ANKRD31: variants seen among roughly 807,000 people sequenced by gnomAD.
ANKRD31 encodes the protein ankyrin repeat domain-containing protein 31.
In ANKRD31, 147 loss-of-function variants were observed where a neutral mutation model predicts 186.0. That is an observed-to-expected ratio of 0.79 (90% CI 0.69 to 0.91). ANKRD31 has a LOEUF of 0.91. ANKRD31 is among the 40% of genes least tolerant of loss of function. The pLI, the probability that ANKRD31 is intolerant of heterozygous loss-of-function variation, is 0.00. For synonymous variants in ANKRD31, 673 were observed against 736.4 expected, an observed-to-expected ratio of 0.91 and a Z score of 1.39; for missense variants, 1,986 against 2,148.8, an observed-to-expected ratio of 0.92 and a Z score of 1.50.
chr5:75,146,041 C>T lies in ANKRD31; in HGVS notation c.3370G>A (p.Ala1124Thr). ...CTTTGACTAAGTTTTGAGATGTTGG[C>T]CAATTCTTTACTCATATTGTCAGTG... ...HSTDNMSKEL[A>T]NISKLSQREK... is the part of the protein sequence containing the mutation. Residue 1124 changes from alanine to threonine, a missense_variant, in exon 14 of 26, where the codon GCC (alanine) becomes ACC (threonine). Transcript: ENST00000506364. The T allele has an allele frequency of 1.3e-6, 2 of 1,508,592 alleles. No individual in the cohort carries two copies. The highest frequency in any genetic ancestry group is 1.8e-6 in the Non-Finnish European group (2 of 1,137,296). 93.5% of individuals were successfully genotyped at this position (1,508,592 alleles called of 1,614,324 possible). A position where few individuals can be genotyped will look rare whatever the true frequency, so the allele number is the denominator to read the frequency against.
At chr5:75,194,001 A>G (rs1347174006) in intron 7 of ANKRD31, among the ~76,000 whole-genome samples, 1 of 152,182 alleles carries the variant, frequency 6.6e-6, no homozygotes, top group Non-Finnish European at 1.5e-5. Context: ...GCAGCAAGTG[A>G]TATTTTGTGG....
chr5:75,219,542 C>T lies in ANKRD31; in HGVS notation c.288+2707G>A, dbSNP rs541333063. On this transcript the variant is annotated intron_variant, in intron 3 of 25. Transcript: ENST00000506364. Reference sequence around the variant, plus strand: ...GACACAAATAGAAGAACATTCCATACTCATGAATAGGAAGACTCAATATCG... The same window carrying T: ...GACACAAATAGAAGAACATTCCATATTCATGAATAGGAAGACTCAATATCG... Among the ~76,000 whole-genome samples, 6 of 152,300 alleles carry T rather than the reference C, an allele frequency of 3.9e-5. No homozygotes were observed. In the South Asian group the frequency reaches 1.2e-3, roughly 32 times the overall value.
intron 22 of ANKRD31, among the ~76,000 whole-genome samples, chr5:75,102,650 C>A (rs1295771094): frequency 1.3e-5 from 2 of 152,218 alleles, no homozygotes; most frequent in African/African-American, 2.4e-5. Context: ...ACTCCCTCAG[C>A]CTTACTGCTG....
chr5:75,193,249 C>T (rs1204769575), intron 8 of ANKRD31, 62 bp downstream of exon 8: 1 of 1,468,598 alleles, frequency 6.8e-7, no homozygotes, highest in Non-Finnish European at 9.1e-7. Flanking sequence ...TGTCCCCAAG[C>T]ATATAATTAT....
chr5:75,134,279 A>G (rs796402931), intron 17 of ANKRD31, among the ~76,000 whole-genome samples: 6 of 152,320 alleles, frequency 3.9e-5, no homozygotes, highest in African/African-American at 1.4e-4. Flanking sequence ...AAAACTAATA[A>G]AGAAGAAAAG....
chr5:75,132,362 G>C (rs1749933212), intron 17 of ANKRD31, among the ~76,000 whole-genome samples: 1 of 152,182 alleles, frequency 6.6e-6, no homozygotes. Context: ...CGAGAATTAT[G>C]TGACGCATGC....
intron 17 of ANKRD31, among the ~76,000 whole-genome samples, chr5:75,135,272 G>A (rs986541277): frequency 5.9e-5 from 9 of 152,274 alleles, no homozygotes; most frequent in East Asian, 1.9e-4. Context: ...GAAACCCATC[G>A]TCTCAGCCCA....
rs377519399 is a variant in ANKRD31 at position 75,084,369 on chromosome 5, C to T, written c.5478G>A (p.Thr1826=). 31 of 1,535,972 alleles carry T rather than the reference C, an allele frequency of 2.0e-5. No homozygotes were observed. The highest frequency in any genetic ancestry group is 1.6e-4 in the Admixed American group (8 of 50,966). Residue 1826 remains threonine, a synonymous_variant, in exon 24 of 26, where the codon ACG becomes ACA. Coordinates refer to ENST00000506364, the MANE Select transcript of ANKRD31 (RefSeq NM_001372053.1). ...ACCTTAAAAGCTCCTTCCCAAGATA[C>T]GTTACCTGCACATAATTAAGCACAA... The part of the protein sequence containing the change: ...VTWNYAWSKV[T]YLGKELLRYV...
At chr5:75,168,952 G>A in intron 11 of ANKRD31, 27 bp downstream of exon 11, 1 of 1,507,232 alleles carries the variant, frequency 6.6e-7, no homozygotes, top group South Asian at 1.2e-5. Context: ...TATAGTATTT[G>A]TTCTGCAAAT....
intron 11 of ANKRD31, among the ~76,000 whole-genome samples, chr5:75,160,743 G>C (rs190681465): frequency 1.3e-4 from 20 of 152,280 alleles, no homozygotes; most frequent in Non-Finnish European, 2.8e-4. Flanking sequence ...CACATGTTGC[G>C]GGAGGGACGC....
At chr5:75,219,860 G>C (rs1757178050) in intron 3 of ANKRD31, among the ~76,000 whole-genome samples, 1 of 152,124 alleles carries the variant, frequency 6.6e-6, no homozygotes, top group South Asian at 2.1e-4. Context: ...TCTGATCTTT[G>C]GCAAAGCTGA....
chr5:75,235,069 T>C (rs1758175366), intron 1 of ANKRD31, among the ~76,000 whole-genome samples: 1 of 152,140 alleles, frequency 6.6e-6, no homozygotes, highest in South Asian at 2.1e-4. Flanking sequence ...TCTGTCACTT[T>C]ATGTGCCAGT....
In ANKRD31 at chr5:75,147,106, T is replaced by A. The variant is rs1442479790; in HGVS notation, c.2305A>T (p.Ile769Phe). ...INRLVTYQQH[I>F]PETHNDLPEE... ...GGAAGGTCATTATGAGTTTCTGGAA[T>A]ATGCTGCTGATAGGTAACCAATCTG... The change falls in exon 14 of 26, where the codon ATT (isoleucine) becomes TTT (phenylalanine). Residue 769 changes from isoleucine to phenylalanine, a missense_variant. By Grantham distance (21) the Ile-to-Phe change is conservative. Coordinates refer to ENST00000506364, the MANE Select transcript of ANKRD31 (RefSeq NM_001372053.1). The A allele has an allele frequency of 6.5e-7, 1 of 1,536,404 alleles. No individual in the cohort carries two copies. Among genetic ancestry groups the A allele is most frequent in the Non-Finnish European group, 8.7e-7 (1 of 1,146,350 alleles).
chr5:75,204,833 C>T (rs779274104), intron 5 of ANKRD31, among the ~76,000 whole-genome samples: 15 of 152,182 alleles, frequency 9.9e-5, no homozygotes, highest in Non-Finnish European at 1.6e-4. Flanking sequence ...TATAAATAGA[C>T]ATGTATTTAA....
At chr5:75,087,423 C>G (rs1225103848) in intron 23 of ANKRD31, among the ~76,000 whole-genome samples, 1 of 152,060 alleles carries the variant, frequency 6.6e-6, no homozygotes. Context: ...AAGAGAATCA[C>G]TTGAACCTAT....
intron 2 of ANKRD31, among the ~76,000 whole-genome samples, chr5:75,229,231 A>G (rs1181395829): frequency 6.6e-6 from 1 of 152,234 alleles, no homozygotes; most frequent in Admixed American, 6.5e-5. Context: ...AATTGGTAGA[A>G]GAAAGGCACG....
At chr5:75,114,826 T>C (rs1748077095) in intron 19 of ANKRD31, among the ~76,000 whole-genome samples, 1 of 152,130 alleles carries the variant, frequency 6.6e-6, no homozygotes, top group African/African-American at 2.4e-5. Flanking sequence ...AAAATGGCCA[T>C]ACTGCCCAAG....
chr5:75,192,757 T>C lies in ANKRD31; in HGVS notation c.1318A>G (p.Met440Val). Residue 440 changes from methionine to valine, a missense_variant, in exon 9 of 26, where the codon ATG becomes GTG. Coordinates refer to ENST00000506364, the MANE Select transcript of ANKRD31 (RefSeq NM_001372053.1). Reference sequence around the variant, plus strand: ...ATATTCTTCTCTTTACCATCAATCATTAAAGCCGGATCCTGCATTCTTGAA... The same window carrying C: ...ATATTCTTCTCTTTACCATCAATCACTAAAGCCGGATCCTGCATTCTTGAA... Reference protein sequence around the residue: ...QNFRMQDPALMIDGKEKNMHS... With the variant: ...QNFRMQDPALVIDGKEKNMHS... The C allele has an allele frequency of 6.5e-7, 1 of 1,534,874 alleles. No individual in the cohort carries two copies. The highest frequency in any genetic ancestry group is 8.7e-7 in the Non-Finnish European group (1 of 1,145,908).
intron 11 of ANKRD31, among the ~76,000 whole-genome samples, chr5:75,159,266 C>T (rs913720323): frequency 1.3e-5 from 2 of 151,292 alleles, no homozygotes; most frequent in Non-Finnish European, 2.9e-5. Flanking sequence ...ACAACATACA[C>T]ATTACAGGAG....
Sources: gnomAD v4.1 joint callset for allele counts (sites outside exome capture counted in the v4.1 genomes callset) on GRCh38, gnomAD v4.1.1 for gene constraint, MANE v1.5 for transcripts, NCBI Gene and HGNC (gene_info 2026-07-23, HGNC 2026-07-21) for gene names.